Variants in AMPH observed in about 807,000 individuals in gnomAD.
AMPH encodes amphiphysin.
In AMPH, 49 loss-of-function variants were observed where a neutral mutation model predicts 99.1. That is an observed-to-expected ratio of 0.49 (90% confidence interval 0.39 to 0.63). The LOEUF (loss-of-function observed/expected upper bound fraction) is 0.63, where lower values mean the gene tolerates loss of function less well. Ranked by LOEUF, AMPH falls within the 20% of genes least tolerant of loss-of-function variation. AMPH has a pLI of 0.00. For missense variants in AMPH, 759 were observed against 863.4 expected, an observed-to-expected ratio of 0.88 and a Z score of 1.52; for synonymous variants, 314 against 317.3, an observed-to-expected ratio of 0.99 and a Z score of 0.11.
Position 38,423,134 on chromosome 7 carries a change from G to T in AMPH, c.1216-657C>A, listed in dbSNP as rs566270035. Among the ~76,000 whole-genome samples, 11 of 152,296 alleles carry T rather than the reference G, an allele frequency of 7.2e-5. No individual in the cohort carries two copies. In the East Asian group the frequency reaches 2.1e-3, roughly 29 times the overall value. ...GTTGATATCAAATCAGAAGTTAGTG[G>T]TTGAAGCTCCAAAATTTAAACTTTT... On this transcript the variant is annotated intron_variant, in intron 15 of 20. Transcript: ENST00000356264.
chr7:38,589,313 A>G (rs1471177537), intron 1 of AMPH, among the ~76,000 whole-genome samples: 3 of 152,210 alleles, frequency 2.0e-5, no homozygotes, highest in Non-Finnish European at 4.4e-5. Context: ...GATTGCATCT[A>G]ATTCTCACAC....
intron 1 of AMPH, among the ~76,000 whole-genome samples, chr7:38,540,310 A>C (rs1249087809): frequency 6.6e-6 from 1 of 152,180 alleles, no homozygotes; most frequent in Non-Finnish European, 1.5e-5. Flanking sequence ...ATAATACACT[A>C]TGTTGACTAA....
chr7:38,541,517 G>A (rs764915959), intron 1 of AMPH, among the ~76,000 whole-genome samples: 3 of 152,150 alleles, frequency 2.0e-5, no homozygotes, highest in Admixed American at 6.5e-5. Context: ...CTTCCCCTCT[G>A]GGGGATTTAT....
At chr7:38,387,287 A>C (rs1784374583) in intron 20 of AMPH, among the ~76,000 whole-genome samples, 1 of 152,246 alleles carries the variant, frequency 6.6e-6, no homozygotes, top group Admixed American at 6.5e-5. Context: ...TTAAAAAGCA[A>C]ACAATAGAAA....
At chr7:38,577,467 G>A (rs1016697527) in intron 1 of AMPH, among the ~76,000 whole-genome samples, 1 of 152,168 alleles carries the variant, frequency 6.6e-6, no homozygotes, top group Non-Finnish European at 1.5e-5. Context: ...TTATTCCCTT[G>A]CGAGTTTGAT....
chr7:38,452,537 CT>C (rs1463957427), intron 11 of AMPH, among the ~76,000 whole-genome samples: 1 of 152,202 alleles, frequency 6.6e-6, no homozygotes, highest in Admixed American at 6.5e-5. Flanking sequence ...GTTATAAGCA[CT>C]CATGTGTATG....
intron 2 of AMPH, among the ~76,000 whole-genome samples, chr7:38,504,343 T>C (rs1789250752): frequency 6.6e-6 from 1 of 152,194 alleles, no homozygotes; most frequent in Non-Finnish European, 1.5e-5. Flanking sequence ...ACTGTTAAAT[T>C]GTAAATGTTG....
At chr7:38,449,156 C>A (rs1288879355) in intron 11 of AMPH, among the ~76,000 whole-genome samples, 1 of 152,158 alleles carries the variant, frequency 6.6e-6, no homozygotes, top group Non-Finnish European at 1.5e-5. Context: ...TGATATGTAA[C>A]AACCTGAAGA....
intron 1 of AMPH, among the ~76,000 whole-genome samples, chr7:38,603,727 A>G (rs947798855): frequency 6.6e-6 from 1 of 152,192 alleles, no homozygotes. Flanking sequence ...CAGATCCAGT[A>G]GACCAAGCAT....
intron 3 of AMPH, among the ~76,000 whole-genome samples, chr7:38,501,453 C>T (rs1789131487): frequency 6.6e-6 from 1 of 151,996 alleles, no homozygotes; most frequent in Non-Finnish European, 1.5e-5. Flanking sequence ...CCAAAGTGCT[C>T]GGATTAAAGG....
chr7:38,487,314 C>T (rs888095555), intron 5 of AMPH, among the ~76,000 whole-genome samples: 15 of 151,960 alleles, frequency 9.9e-5, no homozygotes, highest in African/African-American at 3.6e-4. Flanking sequence ...TGTACCGGTA[C>T]CAAAAGAGAT....
chr7:38,606,973 A>G (rs1793457956), intron 1 of AMPH, among the ~76,000 whole-genome samples: 1 of 152,232 alleles, frequency 6.6e-6, no homozygotes, highest in South Asian at 2.1e-4. Flanking sequence ...TGTTGTTTCT[A>G]CCTTTGACTG....
At chr7:38,622,227 G>A (rs1794096553) in intron 1 of AMPH, among the ~76,000 whole-genome samples, 1 of 152,076 alleles carries the variant, frequency 6.6e-6, no homozygotes, top group South Asian at 2.1e-4. Context: ...CTATGCAGGT[G>A]GCCCCTAGTG....
chr7:38,536,237 TA>T (rs368751882), intron 1 of AMPH, among the ~76,000 whole-genome samples: 1,779 of 152,286 alleles, frequency 0.012, 24 homozygotes, highest in South Asian at 0.055. Flanking sequence ...TTGCTGCCTT[TA>T]AAAAGTAGGG....
intron 13 of AMPH, among the ~76,000 whole-genome samples, chr7:38,430,227 C>T (rs1785955052): frequency 6.6e-6 from 1 of 152,188 alleles, no homozygotes; most frequent in African/African-American, 2.4e-5. Context: ...CAAGAAATTA[C>T]ACAGTAGCAC....
At chr7:38,629,520 C>CT (rs143569607) in intron 1 of AMPH, among the ~76,000 whole-genome samples, 14,427 of 152,228 alleles carry the variant, frequency 0.095, 934 homozygotes, top group South Asian at 0.18. Flanking sequence ...ATTCACAGGA[C>CT]TTGAATGCTC....
chr7:38,467,529 T>C (rs1191040016), intron 7 of AMPH, among the ~76,000 whole-genome samples: 1 of 152,100 alleles, frequency 6.6e-6, no homozygotes, highest in Non-Finnish European at 1.5e-5. Flanking sequence ...ACAAAGGACC[T>C]ATCCAACTCT....
chr7:38,593,378 G>A (rs961568224), intron 1 of AMPH, among the ~76,000 whole-genome samples: 59 of 152,324 alleles, frequency 3.9e-4, no homozygotes, highest in African/African-American at 1.4e-3. Context: ...GCAACTCCCA[G>A]TGTGCCCTAC....
chr7:38,452,308 T>C (rs1787069109), intron 11 of AMPH, among the ~76,000 whole-genome samples: 1 of 152,226 alleles, frequency 6.6e-6, no homozygotes, highest in Admixed American at 6.5e-5. Context: ...CATCCTATAT[T>C]GCTATATGTG....
Sources: allele counts gnomAD v4.1 joint callset (sites outside exome capture counted in the v4.1 genomes callset), GRCh38; gene constraint gnomAD v4.1.1; transcripts MANE v1.5; gene names NCBI Gene and HGNC (gene_info 2026-07-23, HGNC 2026-07-21).